Variants in AKAP13 observed in about 807,000 individuals in gnomAD.
AKAP13 encodes the protein A-kinase anchor protein 13.
AKAP13 carries 80 observed loss-of-function variants against 264.5 expected under a neutral mutation model. The observed-to-expected ratio is 0.30, with a 90% confidence interval of 0.25 to 0.36. AKAP13 has a LOEUF of 0.36. AKAP13 is among the 10% of genes least tolerant of loss of function. The pLI, the probability that AKAP13 is intolerant of heterozygous loss-of-function variation, is 1.00. For missense variants in AKAP13, 3,712 were observed against 3,435.2 expected (o/e 1.08, Z -2.01); for synonymous variants, 1,380 against 1,250.2 (o/e 1.10, Z -2.19).
chr15:85,413,657 C>T (rs2072090872), intron 1 of AKAP13, among the ~76,000 whole-genome samples: 1 of 152,290 alleles, frequency 6.6e-6, no homozygotes, highest in East Asian at 1.9e-4. Flanking sequence ...GCACCCTGCA[C>T]AGGAACATGT....
intron 15 of AKAP13, among the ~76,000 whole-genome samples, chr15:85,683,347 GC>G (rs2084707682): frequency 6.6e-6 from 1 of 152,192 alleles, no homozygotes; most frequent in African/African-American, 2.4e-5. Flanking sequence ...GGCCCTAGAG[GC>G]AATCACTGCT....
chr15:85,726,617 T>G (rs2087630112), intron 27 of AKAP13, 131 bp downstream of exon 27: 1 of 718,926 alleles, frequency 1.4e-6, no homozygotes, highest in Admixed American at 3.2e-5. Context: ...TCTGAGTAAT[T>G]TCCCACATGC....
chr15:85,390,801 T>A (rs1332243133), intron 1 of AKAP13, among the ~76,000 whole-genome samples: 1 of 152,150 alleles, frequency 6.6e-6, no homozygotes, highest in Non-Finnish European at 1.5e-5. Context: ...AGAAAGAAAT[T>A]AAGGAGGATT....
chr15:85,434,631 G>C (rs962858093), intron 1 of AKAP13, among the ~76,000 whole-genome samples: 3 of 152,102 alleles, frequency 2.0e-5, no homozygotes, highest in African/African-American at 4.8e-5. Flanking sequence ...TCTGAGAACC[G>C]GCAGACTGCC....
Position 85,684,814 on chromosome 15 carries a change from A to G in AKAP13, c.5230A>G (p.Lys1744Glu). Residue 1744 changes from lysine to glutamate, a missense_variant, in exon 16 of 37, where the codon AAA becomes GAA. This residue lies in a region of AKAP13 where 2,759 missense variants were observed against 2,411.7 expected (regional missense o/e 1.14). Coordinates refer to ENST00000394518, the MANE Select transcript of AKAP13 (RefSeq NM_007200.5). ...KKDSEWKSGT[K>E]VSRTFSYIKN... ...AGATTCTGAATGGAAGAGTGGAACA[A>G]AAGTCAGTCGTACATTCAGCTACAT... 1 of 1,614,008 alleles carries G rather than the reference A, an allele frequency of 6.2e-7. No homozygotes were observed. The highest frequency in any genetic ancestry group is 8.5e-7 in the Non-Finnish European group (1 of 1,180,020).
At chr15:85,510,344 G>C (rs1393363578) in intron 2 of AKAP13, among the ~76,000 whole-genome samples, 1 of 152,042 alleles carries the variant, frequency 6.6e-6, no homozygotes, top group Non-Finnish European at 1.5e-5. Context: ...TCATCTCCCT[G>C]TACCTAGAGA....
chr15:85,581,318 A>T lies in AKAP13; in HGVS notation c.3250A>T (p.Ser1084Cys). ...GGGAAAAACTAGTGCCTGTGAGGTG[A>T]GTGGAGATGTGACGGTGGATGTTAC... ...SQGKTSACEV[S>C]GDVTVDVTGV... Residue 1084 changes from serine to cysteine, a missense_variant, in exon 7 of 37, where the codon AGT becomes TGT. This residue lies in a region of AKAP13 where 2,759 missense variants were observed against 2,411.7 expected (regional missense o/e 1.14). Transcript: ENST00000394518. 6.2e-7 allele frequency: 1 copy of T among 1,614,218 alleles called. No homozygotes were observed. The highest frequency in any genetic ancestry group is 8.5e-7 in the Non-Finnish European group (1 of 1,180,038).
At position 85,585,817 on chromosome 15, in the gene AKAP13, C is replaced by G. The variant is rs200790653; in HGVS notation, c.4155C>G (p.Thr1385=). ...ATLKMKQGPM[T]QAINRENWCT... Reference sequence around the variant, plus strand: ...TGAAGATGAAGCAAGGCCCAATGACCCAGGCGGTAAGTGGCATCAGTAAGT... The same window carrying G: ...TGAAGATGAAGCAAGGCCCAATGACGCAGGCGGTAAGTGGCATCAGTAAGT... The change falls in exon 8 of 37, where the codon ACC becomes ACG. Residue 1385 remains threonine, a synonymous_variant. Coordinates refer to ENST00000394518, the MANE Select transcript of AKAP13 (RefSeq NM_007200.5). The G allele has an allele frequency of 2.5e-6, 4 of 1,613,988 alleles. No individual in the cohort carries two copies. The East Asian group carries it at 8.9e-5, about 36-fold the overall frequency.
intron 1 of AKAP13, among the ~76,000 whole-genome samples, chr15:85,461,598 A>T (rs1048403133): frequency 7.2e-6 from 1 of 138,108 alleles, no homozygotes; most frequent in East Asian, 1.9e-4. Context: ...TCACTTTTTA[A>T]ATGGTGTGTT....
intron 1 of AKAP13, among the ~76,000 whole-genome samples, chr15:85,399,630 C>G (rs2071328376): frequency 6.7e-6 from 1 of 150,256 alleles, no homozygotes; most frequent in Non-Finnish European, 1.5e-5. Context: ...AATGAAAGAA[C>G]TCTGTATTTC....
chr15:85,599,087 C>G (rs1292344859), intron 8 of AKAP13, among the ~76,000 whole-genome samples: 1 of 152,208 alleles, frequency 6.6e-6, no homozygotes, highest in Non-Finnish European at 1.5e-5. Flanking sequence ...TGGCCCTCTT[C>G]CTTCATTAGT....
chr15:85,444,606 A>G (rs2073835814), intron 1 of AKAP13, among the ~76,000 whole-genome samples: 1 of 152,156 alleles, frequency 6.6e-6, no homozygotes, highest in Non-Finnish European at 1.5e-5. Flanking sequence ...GTGAAATGCC[A>G]AAAAACTCAA....
chr15:85,421,257 G>A (rs2072506978), intron 1 of AKAP13, among the ~76,000 whole-genome samples: 1 of 152,208 alleles, frequency 6.6e-6, no homozygotes. Flanking sequence ...TTCTTAAAGG[G>A]TGAGCAAGGC....
chr15:85,744,552 T>G (rs932964932), intron 36 of AKAP13, 76 bp from the exon 37 acceptor site: 8 of 1,513,014 alleles, frequency 5.3e-6, no homozygotes, highest in Non-Finnish European at 7.3e-6. Context: ...TACAGAAGAC[T>G]TTGGGATGGG....
intron 2 of AKAP13, among the ~76,000 whole-genome samples, chr15:85,511,208 T>C (rs1308535252): frequency 1.3e-5 from 2 of 152,238 alleles, no homozygotes; most frequent in Non-Finnish European, 2.9e-5. Flanking sequence ...CTCTGATTTC[T>C]CCTCTTCTCG....
Position 85,621,260 on chromosome 15 carries a change from G to A in AKAP13, c.4162-18114G>A, listed in dbSNP as rs542951302. The A allele has an allele frequency of 2.0e-5, 3 of 152,342 alleles. No individual in the cohort carries two copies. The South Asian group carries it at 6.2e-4, about 32-fold the overall frequency. 9.4% of individuals were successfully genotyped at this position (152,342 alleles called of 1,614,324 possible). ...GTTGGGCAGGGCACTAGGTAGAGGC[G>A]TTGTGATTTGTGGTAGAGTGTTGTC... is the stretch of plus-strand genomic sequence containing the variant. On this transcript the variant is annotated intron_variant, in intron 8 of 36. Coordinates refer to ENST00000394518, the MANE Select transcript of AKAP13 (RefSeq NM_007200.5).
chr15:85,390,198 A>G (rs532341323), intron 1 of AKAP13, among the ~76,000 whole-genome samples: 152 of 152,322 alleles, frequency 1.0e-3, no homozygotes, highest in African/African-American at 3.4e-3. Flanking sequence ...CCGTTAATCT[A>G]TATCCTATTG....
At position 85,655,473 on chromosome 15, in the gene AKAP13, C is replaced by A; in HGVS notation, c.4431C>A (p.Asp1477Glu). ...DITGSSSSTDDTASLDRHSSH... is the reference protein window; with the variant it reads ...DITGSSSSTDETASLDRHSSH... ...CCGGATCCAGTTCATCCACCGATGA[C>A]ACGGCTTCACTGGACCGACATTCTT... The change falls in exon 11 of 37, where the codon GAC becomes GAA. Residue 1477 changes from aspartate (D) to glutamate (E), a missense_variant. Physicochemically the swap from Asp to Glu is conservative, Grantham distance 45. Coordinates refer to ENST00000394518, the MANE Select transcript of AKAP13 (RefSeq NM_007200.5). 1 of 1,614,206 alleles carries A rather than the reference C, an allele frequency of 6.2e-7. No homozygotes were observed. Among genetic ancestry groups the A allele is most frequent in the Non-Finnish European group, 8.5e-7 (1 of 1,180,034 alleles).
chr15:85,525,348 G>T (rs1198033003), intron 3 of AKAP13, among the ~76,000 whole-genome samples: 1 of 152,124 alleles, frequency 6.6e-6, no homozygotes, highest in Admixed American at 6.5e-5. Context: ...GTGAGCCACC[G>T]TGCCCAGCCT....
Sources: allele counts gnomAD v4.1 joint callset (sites outside exome capture counted in the v4.1 genomes callset), GRCh38; gene constraint gnomAD v4.1.1; regional missense constraint gnomAD v4.1.1; transcripts MANE v1.5; gene names NCBI Gene and HGNC (gene_info 2026-07-23, HGNC 2026-07-21).